The following KIAA1217 variants were observed in gnomAD, a reference collection of about 807,000 sequenced individuals.
KIAA1217 encodes the protein sickle tail protein homolog.
In KIAA1217, 88 loss-of-function variants were observed where a neutral mutation model predicts 163.9. The observed-to-expected ratio is 0.54, with a 90% confidence interval of 0.45 to 0.64. The LOEUF (loss-of-function observed/expected upper bound fraction) is 0.64. KIAA1217 is among the 30% of genes least tolerant of loss of function. KIAA1217 has a pLI of 0.00. For synonymous variants in KIAA1217, 903 were observed against 923.1 expected (o/e 0.98, Z 0.39); for missense variants, 2,372 against 2,475.0 (o/e 0.96, Z 0.88).
intron 5 of KIAA1217, among the ~76,000 whole-genome samples, chr10:24,465,828 T>C (rs2062884842): frequency 6.6e-6 from 1 of 152,170 alleles, no homozygotes; most frequent in South Asian, 2.1e-4. Flanking sequence ...GGGGATCGCC[T>C]ACCTTCTCGT....
At chr10:24,186,867 G>A (rs1589822631) in intron 2 of KIAA1217, among the ~76,000 whole-genome samples, 1 of 152,216 alleles carries the variant, frequency 6.6e-6, no homozygotes, top group Non-Finnish European at 1.5e-5. Context: ...TCCAGCCTGG[G>A]TGACAGAGTG....
chr10:23,907,098 A>C (rs1175750154), intron 1 of KIAA1217, among the ~76,000 whole-genome samples: 1 of 152,096 alleles, frequency 6.6e-6, no homozygotes, highest in African/African-American at 2.4e-5. Flanking sequence ...ACTGCACACC[A>C]TTCTCCCATG....
Position 24,521,042 on chromosome 10 carries a change from G to GTTGGTT in KIAA1217, c.2309-738_2309-737insGGTTTT, listed in dbSNP as rs762075477. Among the ~76,000 whole-genome samples, 539 of 111,422 alleles carry GTTGGTT rather than the reference G, an allele frequency of 4.8e-3. 5 individuals are homozygous for GTTGGTT. Among genetic ancestry groups the GTTGGTT allele is most frequent in the African/African-American group, 0.018 (493 of 27,078 alleles). The allele number at this position is 111,422 out of a possible 152,430, so 73.1% of individuals were successfully genotyped here. A position where few individuals can be genotyped will look rare whatever the true frequency, so the allele number is the denominator to read the frequency against. The stretch of plus-strand genomic sequence containing the variant: ...CCCCATCTCTAAAAAAAAAAAAAAA[G>GTTGGTT]TTTTTTTTTTTTTTTTTTTCTGGCC... On this transcript the variant is annotated intron_variant, in intron 11 of 20. Transcript: ENST00000376454.
At chr10:23,824,631 G>GAAAAAA (rs1216051100) in intron 1 of KIAA1217, among the ~76,000 whole-genome samples, 3 of 11,294 alleles carry the variant, frequency 2.7e-4, no homozygotes, top group Non-Finnish European at 5.7e-4. Context: ...TCTGTCTCAA[G>GAAAAAA]AAAAAAAAAA....
At position 24,355,728 on chromosome 10, in the gene KIAA1217, C is replaced by CTTTTT. The variant is rs869211148; in HGVS notation, c.355-25107_355-25103dup. On this transcript the variant is annotated intron_variant, in intron 2 of 20. Transcript: ENST00000376454. Reference sequence around the variant, plus strand: ...GAGATGAGCATAGCAAGTCCTCACTCTTTTTTTTTTTTTTTTTTTTTTTTT... The same window carrying CTTTTT: ...GAGATGAGCATAGCAAGTCCTCACTCTTTTTTTTTTTTTTTTTTTTTTTTTTTTTT... Among the ~76,000 whole-genome samples, 17 of 32,218 alleles carry CTTTTT rather than the reference C, an allele frequency of 5.3e-4. 7 individuals are homozygous for CTTTTT. Among genetic ancestry groups the CTTTTT allele is most frequent in the Non-Finnish European group, 7.1e-4 (10 of 14,002 alleles). 21.1% of individuals were successfully genotyped at this position (32,218 alleles called of 152,430 possible). A position where few individuals can be genotyped will look rare whatever the true frequency, so the allele number is the denominator to read the frequency against.
At chr10:24,267,468 A>G (rs2076342966) in intron 2 of KIAA1217, among the ~76,000 whole-genome samples, 3 of 152,188 alleles carry the variant, frequency 2.0e-5, no homozygotes, top group Non-Finnish European at 4.4e-5. Flanking sequence ...ATCTATAACT[A>G]TATATCTACA....
At position 24,324,326 on chromosome 10, in the gene KIAA1217, G is replaced by T. The variant is rs564770663; in HGVS notation, c.355-56543G>T. 2.0e-5 allele frequency among the ~76,000 whole-genome samples: 3 copies of T among 152,242 alleles called. 1 individual carries two copies. In the East Asian group the frequency reaches 5.8e-4, roughly 29 times the overall value. ...TCACGCCTGTAATCCCAGCACTTCG[G>T]GAGGCCAAGGTGGGTGGATCGCTTG... On this transcript the variant is annotated intron_variant, in intron 2 of 20. Coordinates refer to ENST00000376454, the MANE Select transcript of KIAA1217 (RefSeq NM_019590.5).
chr10:24,540,090 C>G (rs1301873402), intron 17 of KIAA1217, among the ~76,000 whole-genome samples: 2 of 152,190 alleles, frequency 1.3e-5, no homozygotes, highest in East Asian at 3.9e-4. Context: ...TTGATACATT[C>G]ATTCATTTTT....
intron 1 of KIAA1217, among the ~76,000 whole-genome samples, chr10:23,964,534 C>G (rs1186895092): frequency 6.6e-6 from 1 of 151,794 alleles, no homozygotes; most frequent in Non-Finnish European, 1.5e-5. Context: ...AGGTTTTCTT[C>G]TAGGGTTTTT....
intron 2 of KIAA1217, among the ~76,000 whole-genome samples, chr10:24,367,809 G>C (rs1198048383): frequency 1.3e-5 from 2 of 152,192 alleles, no homozygotes; most frequent in Non-Finnish European, 2.9e-5. Context: ...CTGTGGGGGA[G>C]GTATACTATG....
intron 2 of KIAA1217, among the ~76,000 whole-genome samples, chr10:24,106,875 G>A (rs528967515): frequency 6.6e-6 from 1 of 152,130 alleles, no homozygotes; most frequent in Admixed American, 6.6e-5. Flanking sequence ...TGGTTGGTTG[G>A]TTTTGTTTTT....
chr10:23,988,844 T>C (rs1317510278), intron 1 of KIAA1217, among the ~76,000 whole-genome samples: 1 of 152,188 alleles, frequency 6.6e-6, no homozygotes, highest in African/African-American at 2.4e-5. Flanking sequence ...TTTTAAGAAA[T>C]TAACACCAGT....
At chr10:23,977,469 C>G (rs947234238) in intron 1 of KIAA1217, among the ~76,000 whole-genome samples, 2 of 152,094 alleles carry the variant, frequency 1.3e-5, no homozygotes, top group African/African-American at 4.8e-5. Context: ...TTGCTGATTT[C>G]ATCTGATATT....
intron 2 of KIAA1217, among the ~76,000 whole-genome samples, chr10:24,055,679 A>T (rs1401403351): frequency 2.0e-5 from 3 of 152,108 alleles, no homozygotes; most frequent in Non-Finnish European, 4.4e-5. Flanking sequence ...CTTATTTGCT[A>T]CTTCAATTTC....
At chr10:24,165,825 G>T (rs2065317646) in intron 2 of KIAA1217, among the ~76,000 whole-genome samples, 1 of 152,132 alleles carries the variant, frequency 6.6e-6, no homozygotes, top group Non-Finnish European at 1.5e-5. Context: ...CCTAACTAGA[G>T]CAGAAAAAAA....
In KIAA1217 at chr10:24,364,135, C is replaced by A. The variant is rs574720717; in HGVS notation, c.355-16734C>A. 1.0e-3 allele frequency among the ~76,000 whole-genome samples: 159 copies of A among 151,924 alleles called. 4 individuals are homozygous for A. The highest frequency in any genetic ancestry group is 2.0e-3 in the Admixed American group (31 of 15,252). ...CTGAGATTACAGGCGCCCACCACCA[C>A]GCCCAGCTAATTTTTGTATTTTTAG... On this transcript the variant is annotated intron_variant, in intron 2 of 20. Coordinates refer to ENST00000376454, the MANE Select transcript of KIAA1217 (RefSeq NM_019590.5).
intron 1 of KIAA1217, among the ~76,000 whole-genome samples, chr10:23,713,336 T>C (rs1021285472): frequency 2.0e-5 from 3 of 152,184 alleles, no homozygotes; most frequent in Non-Finnish European, 4.4e-5. Context: ...GCTATTGCTT[T>C]CAGCTCCTAG....
intron 2 of KIAA1217, among the ~76,000 whole-genome samples, chr10:24,274,751 A>C (rs559478354): frequency 1.3e-5 from 2 of 152,148 alleles, no homozygotes; most frequent in Non-Finnish European, 2.9e-5. Flanking sequence ...TTTTGTTTGA[A>C]GACACCTTTT....
chr10:24,511,841 T>C (rs960425438), intron 9 of KIAA1217, among the ~76,000 whole-genome samples: 1 of 152,172 alleles, frequency 6.6e-6, no homozygotes, highest in Non-Finnish European at 1.5e-5. Flanking sequence ...CACCCACTAG[T>C]TCACCCTCCC....
Sources: gnomAD v4.1 joint callset for allele counts (sites outside exome capture counted in the v4.1 genomes callset) on GRCh38, gnomAD v4.1.1 for gene constraint, MANE v1.5 for transcripts, NCBI Gene and HGNC (gene_info 2026-07-23, HGNC 2026-07-21) for gene names.